The following DLC1 variants were observed in gnomAD, a reference collection of about 807,000 sequenced individuals.
The protein encoded by DLC1 is rho GTPase-activating protein 7.
In DLC1, 54 loss-of-function variants were observed where a neutral mutation model predicts 140.3. The observed-to-expected ratio is 0.38, with a 90% confidence interval of 0.31 to 0.48. The LOEUF is 0.48. Ranked by LOEUF, DLC1 falls within the 20% of genes least tolerant of loss-of-function variation. The pLI is 0.96. For missense variants in DLC1, 2,536 were observed against 1,907.0 expected, an observed-to-expected ratio of 1.33 and a Z score of -6.14; for synonymous variants, 986 against 728.1, an observed-to-expected ratio of 1.35 and a Z score of -5.70.
At chr8:13,587,068 A>T (rs1040515233) in intron 1 of DLC1, among the ~76,000 whole-genome samples, 2 of 129,128 alleles carry the variant, frequency 1.5e-5, no homozygotes, top group African/African-American at 5.9e-5. Flanking sequence ...TCCACTTGGG[A>T]AAATAGTTTA....
chr8:13,217,851 C>A (rs372595589), intron 5 of DLC1, among the ~76,000 whole-genome samples: 208 of 106,016 alleles, frequency 2.0e-3, no homozygotes, highest in African/African-American at 8.6e-3. Flanking sequence ...AAAAAAACAA[C>A]AACAAAAAAA....
chr8:13,215,327 T>A (rs1374077621), intron 5 of DLC1, among the ~76,000 whole-genome samples: 1 of 152,250 alleles, frequency 6.6e-6, no homozygotes, highest in Non-Finnish European at 1.5e-5. Flanking sequence ...GGCTCACGCC[T>A]GTAATCCCAA....
chr8:13,491,103 T>TA lies in DLC1; in HGVS notation c.1023+7945_1023+7946insT, dbSNP rs200151223. Among the ~76,000 whole-genome samples the TA allele has an allele frequency of 8.3e-3, 1,221 of 147,880 alleles. 23 individuals carry two copies. Among genetic ancestry groups the TA allele is most frequent in the Middle Eastern group, 0.032 (9 of 280 alleles). ...ATATACATATTCAAATTTAATATTT[T>TA]TTATATATATATTCAGATTTAATAT... On this transcript the variant is annotated intron_variant, in intron 2 of 17. Transcript: ENST00000276297.
intron 3 of DLC1, among the ~76,000 whole-genome samples, chr8:13,394,416 C>T (rs953244612): frequency 2.6e-5 from 4 of 152,148 alleles, no homozygotes; most frequent in African/African-American, 9.7e-5. Context: ...GTTTTCTTAG[C>T]AACTACTACA....
intron 2 of DLC1, among the ~76,000 whole-genome samples, chr8:13,402,892 G>C (rs1752409403): frequency 6.6e-6 from 1 of 152,130 alleles, no homozygotes; most frequent in South Asian, 2.1e-4. Flanking sequence ...ATAGAACTCT[G>C]TATATCTTAA....
intron 5 of DLC1, among the ~76,000 whole-genome samples, chr8:13,261,415 T>G (rs1416131974): frequency 6.6e-6 from 1 of 152,170 alleles, no homozygotes; most frequent in Non-Finnish European, 1.5e-5. Context: ...AGGCAGAGAC[T>G]TCTTGGCCAT....
chr8:13,411,111 C>A (rs1305185264), intron 2 of DLC1, among the ~76,000 whole-genome samples: 1 of 152,150 alleles, frequency 6.6e-6, no homozygotes, highest in Non-Finnish European at 1.5e-5. Context: ...TAAACACCTG[C>A]ATACAGATGT....
intron 10 of DLC1, among the ~76,000 whole-genome samples, chr8:13,096,727 A>G (rs1818526211): frequency 6.6e-6 from 1 of 152,224 alleles, no homozygotes; most frequent in Non-Finnish European, 1.5e-5. Context: ...ATCTGCTATG[A>G]GTCCTAAGGA....
intron 5 of DLC1, among the ~76,000 whole-genome samples, chr8:13,253,119 G>A (rs1332233745): frequency 6.6e-6 from 1 of 152,172 alleles, no homozygotes; most frequent in Non-Finnish European, 1.5e-5. Context: ...CTGGACTGGT[G>A]TAAGAACTAA....
At chr8:13,271,325 C>T (rs999917810) in intron 5 of DLC1, among the ~76,000 whole-genome samples, 5 of 152,134 alleles carry the variant, frequency 3.3e-5, no homozygotes, top group Non-Finnish European at 7.4e-5. Flanking sequence ...CACTGTGAAC[C>T]AAAGGAGCAG....
chr8:13,596,714 C>T (rs1241652223), intron 1 of DLC1, among the ~76,000 whole-genome samples: 1 of 151,890 alleles, frequency 6.6e-6, no homozygotes, highest in African/African-American at 2.4e-5. Context: ...CTTCAGCCTC[C>T]ATCTAAAACC....
At chr8:13,174,132 A>C (rs1489106894) in intron 5 of DLC1, among the ~76,000 whole-genome samples, 2 of 152,122 alleles carry the variant, frequency 1.3e-5, no homozygotes, top group Non-Finnish European at 2.9e-5. Flanking sequence ...CTGTTCCTGC[A>C]TTAATTGGCT....
At chr8:13,358,434 A>G (rs1306137778) in intron 4 of DLC1, among the ~76,000 whole-genome samples, 2 of 152,204 alleles carry the variant, frequency 1.3e-5, no homozygotes, top group East Asian at 1.9e-4. Flanking sequence ...TAGTCCAAAA[A>G]AAGTGCTTGA....
intron 1 of DLC1, among the ~76,000 whole-genome samples, chr8:13,548,409 C>G (rs1270200708): frequency 6.6e-6 from 1 of 151,900 alleles, no homozygotes; most frequent in East Asian, 1.9e-4. Flanking sequence ...GAATTAGTTT[C>G]AGGAGGTGAA....
At chr8:13,092,062 T>C (rs978502081) in intron 13 of DLC1, among the ~76,000 whole-genome samples, 4 of 152,118 alleles carry the variant, frequency 2.6e-5, no homozygotes, top group African/African-American at 9.7e-5. Flanking sequence ...CTGGCCAACA[T>C]GGTGAAACCC....
intron 5 of DLC1, among the ~76,000 whole-genome samples, chr8:13,253,391 C>CT (rs1227270355): frequency 4.6e-5 from 7 of 151,906 alleles, no homozygotes; most frequent in South Asian, 2.1e-4. Context: ...AACATGGCTT[C>CT]TTGTGTAAGT....
chr8:13,440,443 T>C (rs1020376758), intron 2 of DLC1, among the ~76,000 whole-genome samples: 1 of 152,222 alleles, frequency 6.6e-6, no homozygotes, highest in African/African-American at 2.4e-5. Context: ...CAGCTCTCCT[T>C]TATTAGCTAC....
chr8:13,438,419 A>T (rs531846215), intron 2 of DLC1, among the ~76,000 whole-genome samples: 1 of 152,048 alleles, frequency 6.6e-6, no homozygotes, highest in Non-Finnish European at 1.5e-5. Context: ...GTTTCTCTGC[A>T]ATCAGTTTTG....
At chr8:13,257,805 C>T (rs1302824047) in intron 5 of DLC1, among the ~76,000 whole-genome samples, 4 of 151,546 alleles carry the variant, frequency 2.6e-5, no homozygotes, top group Non-Finnish European at 4.4e-5. Flanking sequence ...AACCAGCTGT[C>T]CTTGCTGGAG....
Sources: allele counts gnomAD v4.1 joint callset (sites outside exome capture counted in the v4.1 genomes callset), GRCh38; gene constraint gnomAD v4.1.1; transcripts MANE v1.5; gene names NCBI Gene and HGNC (gene_info 2026-07-23, HGNC 2026-07-21).